ZNF516: variants seen among roughly 807,000 people sequenced by gnomAD.
ZNF516 encodes the protein zinc finger protein 516.
ZNF516 carries 19 observed loss-of-function variants against 79.7 expected under a neutral mutation model. That is an observed-to-expected ratio of 0.24 (90% CI 0.17 to 0.35). The LOEUF (loss-of-function observed/expected upper bound fraction) is 0.35, where lower values mean the gene tolerates loss of function less well. Among genes scored for constraint, ZNF516 ranks in the 10% least tolerant of loss-of-function variants. The pLI is 1.00. For synonymous variants in ZNF516, 877 were observed against 739.5 expected, an observed-to-expected ratio of 1.19 and a Z score of -3.02; for missense variants, 1,678 against 1,679.5, an observed-to-expected ratio of 1.00 and a Z score of 0.02.
Position 76,362,233 on chromosome 18 carries a change from C to T in ZNF516, c.*265G>A, listed in dbSNP as rs1190126327. 5 of 407,696 alleles carry T rather than the reference C, an allele frequency of 1.2e-5. No individual in the cohort carries two copies. Among genetic ancestry groups the T allele is most frequent in the South Asian group, 1.1e-4 (2 of 19,040 alleles). 25.3% of individuals were successfully genotyped at this position (407,696 alleles called of 1,614,324 possible). The stretch of plus-strand genomic sequence containing the variant: ...TTATAAGAAAATATGGGACTATGGA[C>T]GATGAGCACGTAAATGCGTATATAG... On this transcript the variant is annotated 3_prime_UTR_variant, in exon 7 of 7. Coordinates refer to ENST00000443185, the MANE Select transcript of ZNF516 (RefSeq NM_014643.4).
intron 3 of ZNF516, among the ~76,000 whole-genome samples, chr18:76,380,940 G>C (rs73477141): frequency 0.072 from 10,948 of 152,262 alleles, 700 homozygotes; most frequent in African/African-American, 0.16. Flanking sequence ...CCCCAGAGGC[G>C]GGTGAGCAAA....
intron 3 of ZNF516, among the ~76,000 whole-genome samples, chr18:76,407,524 G>C (rs2075319126): frequency 6.6e-6 from 1 of 152,106 alleles, no homozygotes; most frequent in South Asian, 2.1e-4. Flanking sequence ...CGAGGAGACG[G>C]GGCCATGTGA....
upstream of ZNF516, chr18:76,495,728 G>T: frequency 1.7e-6 from 2 of 1,179,858 alleles, no homozygotes; most frequent in South Asian, 3.0e-5. Flanking sequence ...CCGCCGGCGG[G>T]TACCTGGGCA....
chr18:76,373,878 C>T (rs1286200162), intron 4 of ZNF516, among the ~76,000 whole-genome samples: 7 of 152,228 alleles, frequency 4.6e-5, no homozygotes, highest in Non-Finnish European at 8.8e-5. Context: ...GAGTCAATCA[C>T]AAAGGTTATA....
chr18:76,381,177 T>A lies in ZNF516; in HGVS notation c.1811-874A>T, dbSNP rs555396926. Among the ~76,000 whole-genome samples, 3 of 152,266 alleles carry A rather than the reference T, an allele frequency of 2.0e-5. No homozygotes were observed. The East Asian group carries it at 5.8e-4, about 29-fold the overall frequency. ...GACAGGGAGAAACACAGCCGAGGTG[T>A]GGGCTGTGCTCGGAGGTTTTAAGGC... On this transcript the variant is annotated intron_variant, in intron 3 of 6. Coordinates refer to ENST00000443185, the MANE Select transcript of ZNF516 (RefSeq NM_014643.4).
chr18:76,384,562 C>T (rs2074952412), intron 3 of ZNF516, among the ~76,000 whole-genome samples: 1 of 145,004 alleles, frequency 6.9e-6, no homozygotes, highest in South Asian at 2.3e-4. Context: ...TTCCACACAT[C>T]CCCTCCATGG....
chr18:76,470,704 T>A (rs1913777190), intron 1 of ZNF516, among the ~76,000 whole-genome samples: 1 of 152,232 alleles, frequency 6.6e-6, no homozygotes, highest in East Asian at 1.9e-4. Flanking sequence ...ACTGTAAGGC[T>A]TGCCCTGCAC....
chr18:76,408,061 G>A (rs1316567052), intron 3 of ZNF516, among the ~76,000 whole-genome samples: 2 of 152,184 alleles, frequency 1.3e-5, no homozygotes, highest in African/African-American at 2.4e-5. Flanking sequence ...AGGACCAGAA[G>A]GCTTTTTCCC....
intron 1 of ZNF516, chr18:76,491,777 C>G (rs2145842239): frequency 6.6e-6 from 1 of 152,352 alleles, no homozygotes; most frequent in East Asian, 2.0e-4. Context: ...CCAGGTCCCC[C>G]AGTAGCGCCC....
chr18:76,483,016 A>C (rs1227849246), intron 1 of ZNF516, among the ~76,000 whole-genome samples: 1 of 152,208 alleles, frequency 6.6e-6, no homozygotes, highest in Non-Finnish European at 1.5e-5. Context: ...AAAAGAAAAA[A>C]AATTCTGAAT....
chr18:76,442,044 G>A lies in ZNF516; in HGVS notation c.1011C>T (p.Cys337=), dbSNP rs1911701051. The A allele has an allele frequency of 1.2e-6, 2 of 1,613,832 alleles. No homozygotes were observed. The highest frequency in any genetic ancestry group is 1.7e-6 in the Non-Finnish European group (2 of 1,179,900). The part of the protein sequence containing the change: ...IVAGLSLYEV[C]AKCGNLFTNL... ...TTGTAAACAGGTTCCCGCACTTGGC[G>A]CAGACCTCGTAGAGGCTCAGGCCGG... Residue 337 remains cysteine, a synonymous_variant, in exon 3 of 7, where the codon TGC becomes TGT. Coordinates refer to ENST00000443185, the MANE Select transcript of ZNF516 (RefSeq NM_014643.4).
At chr18:76,485,982 A>C (rs1325351496) in intron 1 of ZNF516, among the ~76,000 whole-genome samples, 1 of 152,108 alleles carries the variant, frequency 6.6e-6, no homozygotes, top group Non-Finnish European at 1.5e-5. Flanking sequence ...TCAGGAACTA[A>C]ACAGTGAATC....
In ZNF516 at chr18:76,380,076, G is replaced by C. The variant is rs1292576217; in HGVS notation, c.2038C>G (p.Pro680Ala). The change falls in exon 4 of 7, where the codon CCC (proline) becomes GCC (alanine). Residue 680 changes from proline to alanine, a missense_variant. Physicochemically the swap from Pro to Ala is conservative, Grantham distance 27. Around this residue, in one of 5 missense-constraint regions of ZNF516, gnomAD observed 1,294 missense variants for 1,248.3 expected, o/e 1.04. Coordinates refer to ENST00000443185, the MANE Select transcript of ZNF516 (RefSeq NM_014643.4). The part of the protein sequence containing the change: ...SMDLKMPAFH[P>A]KQEVPVPGDG... The stretch of plus-strand genomic sequence containing the variant: ...CCAGGGACGGGCACCTCCTGCTTGG[G>C]GTGAAATGCTGGCATCTTTAAGTCC... 1 of 1,613,796 alleles carries C rather than the reference G, an allele frequency of 6.2e-7. No homozygotes were observed. Among genetic ancestry groups the C allele is most frequent in the East Asian group, 2.2e-5 (1 of 44,894 alleles).
chr18:76,418,567 G>A (rs35534021), intron 3 of ZNF516, among the ~76,000 whole-genome samples: 88,241 of 151,898 alleles, frequency 0.58, 25,730 homozygotes, highest in South Asian at 0.69. Context: ...TGTAACATAC[G>A]CTGCATCCTA....
chr18:76,487,200 C>T (rs1042386881), intron 1 of ZNF516, among the ~76,000 whole-genome samples: 2 of 152,142 alleles, frequency 1.3e-5, no homozygotes, highest in African/African-American at 4.8e-5. Flanking sequence ...TGTATACCAT[C>T]GGAAAACATC....
intron 3 of ZNF516, among the ~76,000 whole-genome samples, chr18:76,438,486 T>C (rs2075774303): frequency 6.6e-6 from 1 of 152,240 alleles, no homozygotes; most frequent in African/African-American, 2.4e-5. Flanking sequence ...GCCACGTCTC[T>C]TTCTCAGTGG....
At chr18:76,475,956 C>T (rs545458309) in intron 1 of ZNF516, among the ~76,000 whole-genome samples, 2 of 152,298 alleles carry the variant, frequency 1.3e-5, no homozygotes, top group East Asian at 3.9e-4. Context: ...TCAATAGTAG[C>T]TTCCATAAAA....
rs115097818 is a variant in ZNF516 at position 76,436,739 on chromosome 18, G to T, written c.1810+4506C>A. ...CCTCATTCCATTCTCCCTTCCGCTGGCCAAATTCACCCTCAATCCTGTTTC... is the reference window on the plus strand; with the variant it reads ...CCTCATTCCATTCTCCCTTCCGCTGTCCAAATTCACCCTCAATCCTGTTTC... On this transcript the variant is annotated intron_variant, in intron 3 of 6. Transcript: ENST00000443185. 7.2e-3 allele frequency among the ~76,000 whole-genome samples: 1,101 copies of T among 152,026 alleles called. 10 individuals carry two copies. Among genetic ancestry groups the T allele is most frequent in the African/African-American group, 0.025 (1,049 of 41,458 alleles).
At position 76,379,522 on chromosome 18, in the gene ZNF516, A is replaced by G. The variant is rs2074852599; in HGVS notation, c.2592T>C (p.Pro864=). 1 of 1,613,732 alleles carries G rather than the reference A, an allele frequency of 6.2e-7. No individual in the cohort carries two copies. Among genetic ancestry groups the G allele is most frequent in the Admixed American group, 1.7e-5 (1 of 60,032 alleles). The change falls in exon 4 of 7, where the codon CCT becomes CCC. Residue 864 remains proline (P), a synonymous_variant. Coordinates refer to ENST00000443185, the MANE Select transcript of ZNF516 (RefSeq NM_014643.4). ...LGVVTKAASM[P]KNKESHSGGP... is the part of the protein sequence containing the mutation. ...CTCCGGAATGGCTCTCCTTATTCTT[A>G]GGCATGCTAGCGGCTTTTGTGACCA...
Sources: allele counts gnomAD v4.1 joint callset (sites outside exome capture counted in the v4.1 genomes callset), GRCh38; gene constraint gnomAD v4.1.1; regional missense constraint gnomAD v4.1.1; transcripts MANE v1.5; gene names NCBI Gene and HGNC (gene_info 2026-07-23, HGNC 2026-07-21).